The following NAALADL2 variants were observed in gnomAD, a reference collection of about 807,000 sequenced individuals.
NAALADL2 encodes the protein N-acetylated alpha-linked acidic dipeptidase like 2.
A neutral mutation model predicts 87.2 loss-of-function variants in NAALADL2; 76 were observed. The observed-to-expected ratio is 0.87, with a 90% confidence interval of 0.72 to 1.05. NAALADL2 has a LOEUF of 1.05. NAALADL2 is among the 50% of genes least tolerant of loss of function. NAALADL2 has a pLI of 0.00. For missense variants in NAALADL2, 1,089 were observed against 945.8 expected, an observed-to-expected ratio of 1.15 and a Z score of -1.99; for synonymous variants, 354 against 331.0, an observed-to-expected ratio of 1.07 and a Z score of -0.75.
At chr3:174,826,902 CTT>C (rs922754824) in intron 3 of NAALADL2, among the ~76,000 whole-genome samples, 1 of 152,112 alleles carries the variant, frequency 6.6e-6, no homozygotes, top group Admixed American at 6.5e-5. Flanking sequence ...AATTAAAACT[CTT>C]TGGTTATAAA....
intron 2 of NAALADL2, among the ~76,000 whole-genome samples, chr3:175,156,149 A>G (rs13073386): frequency 0.3 from 45,359 of 152,000 alleles, 7,017 homozygotes; most frequent in South Asian, 0.35. Context: ...AAGGATTCTT[A>G]TTTTCAAATT....
At chr3:175,301,614 G>T (rs1357822360) in intron 4 of NAALADL2, among the ~76,000 whole-genome samples, 1 of 152,114 alleles carries the variant, frequency 6.6e-6, no homozygotes, top group East Asian at 1.9e-4. Flanking sequence ...GTGCAGAAGA[G>T]AAATAGGAAG....
At chr3:175,478,465 T>C (rs1726019895) in intron 9 of NAALADL2, among the ~76,000 whole-genome samples, 1 of 151,946 alleles carries the variant, frequency 6.6e-6, no homozygotes, top group South Asian at 2.1e-4. Context: ...ACTGACAGTA[T>C]GTAAATCCCT....
chr3:175,063,825 G>A (rs982474685), intron 1 of NAALADL2, among the ~76,000 whole-genome samples: 1 of 152,034 alleles, frequency 6.6e-6, no homozygotes, highest in African/African-American at 2.4e-5. Context: ...CTTTTTAGCA[G>A]TTTAAAATAA....
chr3:175,547,427 A>C (rs1403917590), intron 9 of NAALADL2, among the ~76,000 whole-genome samples: 2 of 152,172 alleles, frequency 1.3e-5, no homozygotes, highest in African/African-American at 4.8e-5. Flanking sequence ...TTAAAGGCTA[A>C]AATGTGAAAC....
intron 9 of NAALADL2, among the ~76,000 whole-genome samples, chr3:175,538,102 G>C (rs1206702524): frequency 2.0e-5 from 3 of 152,140 alleles, no homozygotes; most frequent in Non-Finnish European, 2.9e-5. Flanking sequence ...ATATTGGGAA[G>C]TGAAACAGAC....
chr3:174,700,477 C>CCATGGAA (rs1729451129), intron 2 of NAALADL2, among the ~76,000 whole-genome samples: 3 of 152,074 alleles, frequency 2.0e-5, no homozygotes, highest in Admixed American at 2.0e-4. Flanking sequence ...ATAACGCTCT[C>CCATGGAA]CATGGAACAG....
chr3:174,533,370 C>T, intron 1 of NAALADL2, among the ~76,000 whole-genome samples: 1 of 151,998 alleles, frequency 6.6e-6, no homozygotes, highest in Non-Finnish European at 1.5e-5. Context: ...AGAGATCATA[C>T]CATTGAGCCC....
At chr3:174,996,993 G>GGT (rs34590643) in intron 1 of NAALADL2, among the ~76,000 whole-genome samples, 2,007 of 121,556 alleles carry the variant, frequency 0.017, 21 homozygotes, top group East Asian at 0.026. Flanking sequence ...TATTCCAAGG[G>GGT]GTGTGTGTGT....
intron 1 of NAALADL2, chr3:174,458,478 C>T (rs1488640629): frequency 3.3e-5 from 5 of 152,174 alleles, no homozygotes; most frequent in Admixed American, 6.5e-5. Context: ...CCTTTTCTTT[C>T]CCTCTCCCTT....
intron 1 of NAALADL2, chr3:174,441,149 C>G (rs1384270740): frequency 1.3e-5 from 2 of 152,146 alleles, no homozygotes; most frequent in African/African-American, 2.4e-5. Flanking sequence ...CCCAAGCTGG[C>G]GCGACTGAGC....
At chr3:174,891,361 C>T (rs1730852249) in intron 1 of NAALADL2, among the ~76,000 whole-genome samples, 2 of 151,986 alleles carry the variant, frequency 1.3e-5, no homozygotes, top group African/African-American at 2.4e-5. Flanking sequence ...TGTGAGCACT[C>T]ACAGTACCTG....
At chr3:175,192,982 C>A (rs1738432929) in intron 2 of NAALADL2, among the ~76,000 whole-genome samples, 1 of 151,224 alleles carries the variant, frequency 6.6e-6, no homozygotes. Context: ...CAAAATGAGG[C>A]TAAAATAGAC....
intron 5 of NAALADL2, among the ~76,000 whole-genome samples, chr3:175,348,524 G>T (rs894228329): frequency 1.3e-5 from 2 of 152,078 alleles, no homozygotes; most frequent in African/African-American, 4.8e-5. Context: ...GGTGTTGGCA[G>T]GGCCATGTTC....
rs772169383 is a variant in NAALADL2, at chr3:175,256,579, T to C, written c.939+49T>C. 1.1e-5 allele frequency: 17 copies of C among 1,581,282 alleles called. No individual in the cohort carries two copies. In the South Asian group the frequency reaches 1.7e-4, roughly 16 times the overall value. ...GTGGTTTGGTCAATATTTTGCCTTGTTTTGTTGGAATTATATGCTTTTGTG... is the reference window on the plus strand; with the variant it reads ...GTGGTTTGGTCAATATTTTGCCTTGCTTTGTTGGAATTATATGCTTTTGTG... On this transcript the variant is annotated intron_variant, in intron 4 of 13. Coordinates refer to ENST00000454872, the MANE Select transcript of NAALADL2 (RefSeq NM_207015.3).
intron 4 of NAALADL2, among the ~76,000 whole-genome samples, chr3:175,315,476 A>G (rs1403223043): frequency 1.3e-5 from 2 of 152,176 alleles, no homozygotes; most frequent in African/African-American, 4.8e-5. Context: ...ATGTTAATAA[A>G]TTTATGTAAT....
At chr3:174,475,808 A>G (rs1717176187) in intron 1 of NAALADL2, among the ~76,000 whole-genome samples, 1 of 152,016 alleles carries the variant, frequency 6.6e-6, no homozygotes, top group Non-Finnish European at 1.5e-5. Flanking sequence ...AACACATTTA[A>G]TGAGTTCCTA....
chr3:174,608,380 T>A (rs1241157231), intron 2 of NAALADL2, among the ~76,000 whole-genome samples: 7 of 151,902 alleles, frequency 4.6e-5, no homozygotes, highest in African/African-American at 1.7e-4. Flanking sequence ...ATCCAGGAGC[T>A]GGTTTTTTGA....
intron 4 of NAALADL2, among the ~76,000 whole-genome samples, chr3:175,312,885 A>G (rs578077399): frequency 1.1e-3 from 173 of 152,352 alleles, no homozygotes; most frequent in Non-Finnish European, 2.1e-3. Flanking sequence ...CGTAATCACA[A>G]TAATGTTCCT....
Sources: allele counts gnomAD v4.1 joint callset (sites outside exome capture counted in the v4.1 genomes callset), GRCh38; gene constraint gnomAD v4.1.1; transcripts MANE v1.5; gene names NCBI Gene and HGNC (gene_info 2026-07-23, HGNC 2026-07-21).